The following MYRIP variants were observed in gnomAD, a reference collection of about 807,000 sequenced individuals.
The protein encoded by MYRIP is rab effector MyRIP.
In MYRIP, 49 loss-of-function variants were observed where a neutral mutation model predicts 98.0. The observed-to-expected ratio is 0.50, with a 90% CI of 0.40 to 0.63. The LOEUF is 0.63. MYRIP is among the 30% of genes least tolerant of loss of function. The pLI is 0.00. For synonymous variants in MYRIP, 404 were observed against 409.5 expected (o/e 0.99, Z 0.16); for missense variants, 1,004 against 1,058.2 (o/e 0.95, Z 0.71).
chr3:40,107,475 A>C (rs1190635468), intron 3 of MYRIP, among the ~76,000 whole-genome samples: 1 of 152,236 alleles, frequency 6.6e-6, no homozygotes, highest in Non-Finnish European at 1.5e-5. Context: ...AGGAATCAGC[A>C]GAGGGGACTA....
rs972385499 is a variant in MYRIP, at chr3:40,246,725, C to T, written c.2262+2118C>T. Among the ~76,000 whole-genome samples, 4 of 152,110 alleles carry T rather than the reference C, an allele frequency of 2.6e-5. No homozygotes were observed. In the East Asian group the frequency reaches 7.7e-4, roughly 29 times the overall value. ...TTTTGGCATAGTGAATTGGGGGTCC[C>T]GAGATTTTATTTTCATTTCACAGAG... On this transcript the variant is annotated intron_variant, in intron 13 of 16. Coordinates refer to ENST00000302541, the MANE Select transcript of MYRIP (RefSeq NM_015460.4).
intron 1 of MYRIP, among the ~76,000 whole-genome samples, chr3:39,887,563 C>T (rs992216050): frequency 1.3e-5 from 2 of 152,106 alleles, no homozygotes; most frequent in African/African-American, 4.8e-5. Context: ...AAACCCACAG[C>T]CAATATCATA....
chr3:39,959,557 A>T (rs1325370957), intron 2 of MYRIP, among the ~76,000 whole-genome samples: 1 of 152,112 alleles, frequency 6.6e-6, no homozygotes. Context: ...TGGCATTAGG[A>T]GATATACCTA....
chr3:40,192,893 C>T lies in MYRIP; in HGVS notation c.1665+2430C>T, dbSNP rs543446303. Among the ~76,000 whole-genome samples, 52 of 152,292 alleles carry T rather than the reference C, an allele frequency of 3.4e-4. 1 individual carries two copies. In the South Asian group the frequency reaches 4.8e-3, roughly 14 times the overall value. Reference sequence around the variant, plus strand: ...ACTGGTGCAGTTGCCCATCATGCTTCTACATAGTAACCTGTATAGAAAATG... The same window carrying T: ...ACTGGTGCAGTTGCCCATCATGCTTTTACATAGTAACCTGTATAGAAAATG... On this transcript the variant is annotated intron_variant, in intron 10 of 16. Coordinates refer to ENST00000302541, the MANE Select transcript of MYRIP (RefSeq NM_015460.4).
At chr3:39,866,934 C>A (rs747344885) in intron 1 of MYRIP, among the ~76,000 whole-genome samples, 26 of 152,118 alleles carry the variant, frequency 1.7e-4, no homozygotes, top group Non-Finnish European at 3.7e-4. Context: ...AACAATATTA[C>A]AAAGCTGTAG....
intron 1 of MYRIP, among the ~76,000 whole-genome samples, chr3:39,863,946 C>T (rs1942547084): frequency 6.6e-6 from 1 of 152,110 alleles, no homozygotes; most frequent in Non-Finnish European, 1.5e-5. Flanking sequence ...AAAAGCTAAT[C>T]CATGATTATC....
chr3:40,026,321 C>G (rs1947126701), intron 2 of MYRIP, among the ~76,000 whole-genome samples: 1 of 152,098 alleles, frequency 6.6e-6, no homozygotes, highest in African/African-American at 2.4e-5. Flanking sequence ...CTCCCTTGTT[C>G]CCTAAAATCG....
At chr3:40,204,107 T>C (rs1485901647) in intron 10 of MYRIP, among the ~76,000 whole-genome samples, 3 of 22,880 alleles carry the variant, frequency 1.3e-4, no homozygotes, top group Non-Finnish European at 8.9e-5. Flanking sequence ...ATATATTATA[T>C]AATATATAAA....
At chr3:40,018,277 A>G (rs936511016) in intron 2 of MYRIP, among the ~76,000 whole-genome samples, 1 of 152,180 alleles carries the variant, frequency 6.6e-6, no homozygotes, top group Non-Finnish European at 1.5e-5. Context: ...TTTTACCATC[A>G]GAAATTGACT....
intron 1 of MYRIP, among the ~76,000 whole-genome samples, chr3:39,860,357 C>T (rs1336279363): frequency 6.6e-6 from 1 of 152,144 alleles, no homozygotes; most frequent in East Asian, 1.9e-4. Context: ...TGTACAGAGC[C>T]CAGAGGGTTT....
chr3:40,164,959 G>A (rs1222907429), intron 5 of MYRIP, among the ~76,000 whole-genome samples: 1 of 152,202 alleles, frequency 6.6e-6, no homozygotes, highest in Non-Finnish European at 1.5e-5. Flanking sequence ...GACTCAGTTT[G>A]TCCATCAGGT....
chr3:39,823,870 T>G (rs551845660), intron 1 of MYRIP, among the ~76,000 whole-genome samples: 1 of 152,306 alleles, frequency 6.6e-6, no homozygotes, highest in East Asian at 1.9e-4. Context: ...TATAATCCCT[T>G]TGCTTATTTT....
chr3:40,073,381 G>A (rs892025280), intron 3 of MYRIP, among the ~76,000 whole-genome samples: 9 of 152,100 alleles, frequency 5.9e-5, no homozygotes, highest in South Asian at 2.1e-4. Flanking sequence ...TTATTATGTC[G>A]GACTCTTCCT....
chr3:40,064,854 T>C (rs893122343), intron 3 of MYRIP, among the ~76,000 whole-genome samples: 12 of 152,170 alleles, frequency 7.9e-5, no homozygotes, highest in Admixed American at 3.3e-4. Context: ...TGGGAAACCA[T>C]AGTGTGTGTG....
chr3:40,066,165 AC>A (rs1356771769), intron 3 of MYRIP, among the ~76,000 whole-genome samples: 1 of 151,776 alleles, frequency 6.6e-6, no homozygotes, highest in Non-Finnish European at 1.5e-5. Context: ...GGAGAAGGAG[AC>A]CTCTCTGATG....
intron 2 of MYRIP, among the ~76,000 whole-genome samples, chr3:40,005,686 G>C (rs1431497322): frequency 6.6e-6 from 1 of 152,164 alleles, no homozygotes; most frequent in Non-Finnish European, 1.5e-5. Flanking sequence ...CTTCCTTTTA[G>C]CATGCCAGTT....
At chr3:40,228,538 G>A (rs1435353575) in intron 11 of MYRIP, among the ~76,000 whole-genome samples, 1 of 152,176 alleles carries the variant, frequency 6.6e-6, no homozygotes, top group African/African-American at 2.4e-5. Context: ...TTTCTTGGCT[G>A]ACCATGAACC....
chr3:40,047,416 T>C (rs1947693481), intron 3 of MYRIP, among the ~76,000 whole-genome samples: 1 of 152,186 alleles, frequency 6.6e-6, no homozygotes, highest in Admixed American at 6.5e-5. Flanking sequence ...CAACAGCCAG[T>C]GTACCCTTGT....
chr3:39,821,612 A>T (rs572590654), intron 1 of MYRIP, among the ~76,000 whole-genome samples: 2 of 151,864 alleles, frequency 1.3e-5, no homozygotes, highest in Non-Finnish European at 2.9e-5. Flanking sequence ...TTCTCTAAGT[A>T]TTGCTTCAGC....
Sources: gnomAD v4.1 joint callset for allele counts (sites outside exome capture counted in the v4.1 genomes callset) on GRCh38, gnomAD v4.1.1 for gene constraint, MANE v1.5 for transcripts, NCBI Gene and HGNC (gene_info 2026-07-23, HGNC 2026-07-21) for gene names.